Variants in PCDHA8 observed in about 807,000 individuals in gnomAD.
PCDHA8 encodes protocadherin alpha 8, also known as protocadherin alpha-8.
Under a neutral mutation model 61.8 loss-of-function variants are expected in PCDHA8, and 53 were observed. The ratio of observed to expected loss-of-function variants is 0.86; its 90% CI spans 0.69 to 1.08. PCDHA8 has a LOEUF of 1.08. Ranked by LOEUF, PCDHA8 falls within the 50% of genes least tolerant of loss-of-function variation. The pLI is 0.00. For missense variants in PCDHA8, 1,293 were observed against 1,245.0 expected, an observed-to-expected ratio of 1.04 and a Z score of -0.58; for synonymous variants, 618 against 556.6, an observed-to-expected ratio of 1.11 and a Z score of -1.55.
chr5:140,853,754 A>C, intron 1 of PCDHA8: 1 of 988,728 alleles, frequency 1.0e-6, no homozygotes, highest in Non-Finnish European at 1.2e-6. Flanking sequence ...TCAAGGCTCC[A>C]CCTCAGAAAT....
intron 1 of PCDHA8, chr5:140,867,294 T>A (rs987236296): frequency 6.6e-6 from 1 of 152,152 alleles, no homozygotes; most frequent in Admixed American, 6.5e-5. Flanking sequence ...TCAAATATCA[T>A]GTTGAATATA....
At chr5:140,864,528 T>C (rs2048505938) in intron 1 of PCDHA8, 1 of 152,240 alleles carries the variant, frequency 6.6e-6, no homozygotes, top group Non-Finnish European at 1.5e-5. Context: ...TACTTCTTAA[T>C]TTTTGTCTTC....
chr5:140,927,027 G>A (rs1554203924), intron 1 of PCDHA8: 3 of 1,612,328 alleles, frequency 1.9e-6, no homozygotes, highest in Non-Finnish European at 1.7e-6. Context: ...ACTTGAGGCT[G>A]CCAGCGGCCG....
intron 1 of PCDHA8, chr5:140,927,524 C>G (rs781824669): frequency 1.2e-6 from 2 of 1,614,104 alleles, no homozygotes; most frequent in Admixed American, 1.7e-5. Flanking sequence ...GGCGGGCTAC[C>G]TGCCCGCTCA....
In PCDHA8 at chr5:141,009,476, C is replaced by G. The variant is rs970744618; in HGVS notation, c.2543-151C>G. ...TTAAACAAATAAATAAATAAGTAAA[C>G]ACTTGCCTTGCCCTCAGACTTGAAC... On this transcript the variant is annotated intron_variant, in intron 3 of 3. Coordinates refer to ENST00000531613, the MANE Select transcript of PCDHA8 (RefSeq NM_018911.3). 2.3e-5 allele frequency: 32 copies of G among 1,420,036 alleles called. No individual in the cohort carries two copies. The East Asian group carries it at 7.2e-4, about 32-fold the overall frequency. 88.0% of individuals were successfully genotyped at this position (1,420,036 alleles called of 1,614,324 possible).
At chr5:140,873,642 G>A (rs1217578025) in intron 1 of PCDHA8, among the ~76,000 whole-genome samples, 1 of 152,154 alleles carries the variant, frequency 6.6e-6, no homozygotes, top group Non-Finnish European at 1.5e-5. Flanking sequence ...GAGTATGTGA[G>A]AACTACATAA....
intron 3 of PCDHA8, among the ~76,000 whole-genome samples, chr5:140,994,027 A>G (rs1237081548): frequency 2.6e-5 from 4 of 152,234 alleles, no homozygotes; most frequent in Non-Finnish European, 2.9e-5. Context: ...TGCAGATATA[A>G]TATTAAATAT....
chr5:140,863,047 C>G (rs1554157583), intron 1 of PCDHA8: 1 of 560,866 alleles, frequency 1.8e-6, no homozygotes. Flanking sequence ...TGTCAGCTGG[C>G]AGCACCCGTT....
chr5:140,857,754 C>G, intron 1 of PCDHA8: 1 of 1,597,392 alleles, frequency 6.3e-7, no homozygotes, highest in Non-Finnish European at 8.6e-7. Flanking sequence ...GCGTCTCCCG[C>G]TGGCAGCGCG....
intron 1 of PCDHA8, among the ~76,000 whole-genome samples, chr5:140,974,319 G>A (rs781949857): frequency 1.8e-4 from 27 of 152,198 alleles, no homozygotes; most frequent in Non-Finnish European, 3.5e-4. Flanking sequence ...TGAGAGAGTA[G>A]CTGCTGTGCT....
chr5:140,975,588 A>G (rs2096673583), intron 1 of PCDHA8, among the ~76,000 whole-genome samples: 1 of 152,210 alleles, frequency 6.6e-6, no homozygotes, highest in South Asian at 2.1e-4. Context: ...CATGTCCCAG[A>G]GGGCAATTTG....
chr5:140,847,731 T>C lies in PCDHA8; in HGVS notation c.2394+4016T>C, dbSNP rs1031856254. ...GTATAAATGCTACAAAAGAGAAAAA[T>C]ATATTTTCTCCCCACGCAACACAAG... On this transcript the variant is annotated intron_variant, in intron 1 of 3. Coordinates refer to ENST00000531613, the MANE Select transcript of PCDHA8 (RefSeq NM_018911.3). 2.7e-5 allele frequency: 4 copies of C among 149,230 alleles called. No homozygotes were observed. The East Asian group carries it at 7.8e-4, about 29-fold the overall frequency. The allele number at this position is 149,230 out of a possible 1,614,324, so 9.2% of individuals were successfully genotyped here. A position where few individuals can be genotyped will look rare whatever the true frequency, so the allele number is the denominator to read the frequency against.
Position 140,842,785 on chromosome 5 carries a change from G to C in PCDHA8, c.1464G>C (p.Ala488=), listed in dbSNP as rs2150344223. The change falls in exon 1 of 4, where the codon GCG becomes GCC. Residue 488 remains alanine (A), a synonymous_variant. Coordinates refer to ENST00000531613, the MANE Select transcript of PCDHA8 (RefSeq NM_018911.3). ...GAGACGCGGACGCGCAGGAGAACGC[G>C]CTGGTGTCCTACTCGCTTGTGGAGC... ...SARDADAQEN[A]LVSYSLVERR... 6.5e-5 allele frequency: 103 copies of C among 1,594,472 alleles called. 8 individuals carry two copies. Among genetic ancestry groups the C allele is most frequent in the South Asian group, 4.4e-4 (40 of 90,456 alleles).
At chr5:140,877,166 T>C in intron 1 of PCDHA8, 3 of 1,613,836 alleles carry the variant, frequency 1.9e-6, no homozygotes, top group Non-Finnish European at 2.5e-6. Context: ...GCGCCGGCAC[T>C]GCTGGCGACT....
At chr5:140,992,999 C>G (rs1254110475) in intron 3 of PCDHA8, among the ~76,000 whole-genome samples, 4 of 152,188 alleles carry the variant, frequency 2.6e-5, no homozygotes, top group African/African-American at 9.7e-5. Flanking sequence ...CATGAAAGAG[C>G]CTCCCCAGAG....
intron 1 of PCDHA8, chr5:140,852,529 G>T: frequency 2.4e-6 from 1 of 416,580 alleles, no homozygotes. Context: ...TCCCACCTCG[G>T]CCTCCCAAAG....
chr5:140,934,833 G>C (rs1584817572), intron 1 of PCDHA8, among the ~76,000 whole-genome samples: 1 of 152,100 alleles, frequency 6.6e-6, no homozygotes, highest in Admixed American at 6.5e-5. Context: ...GGCAAGTTGG[G>C]AACTGTTCAG....
chr5:140,858,425 C>T lies in PCDHA8; in HGVS notation c.2394+14710C>T, dbSNP rs373682195. 1.3e-5 allele frequency: 20 copies of T among 1,552,580 alleles called. 2 individuals are homozygous for T. The highest frequency in any genetic ancestry group is 1.8e-5 in the Non-Finnish European group (20 of 1,140,698). On this transcript the variant is annotated intron_variant, in intron 1 of 3. Transcript: ENST00000531613. ...GGAAGATCAGTCTATTGGAGGGGAC[C>T]ACTCTAGGAAGGTGGGTTATTACGT...
intron 1 of PCDHA8, among the ~76,000 whole-genome samples, chr5:140,938,314 T>C (rs1026606524): frequency 2.0e-5 from 3 of 152,220 alleles, no homozygotes; most frequent in Non-Finnish European, 2.9e-5. Flanking sequence ...AGTATAAAAT[T>C]GAATAGAAGT....
Sources: gnomAD v4.1 joint callset for allele counts (sites outside exome capture counted in the v4.1 genomes callset) on GRCh38, gnomAD v4.1.1 for gene constraint, MANE v1.5 for transcripts, NCBI Gene and HGNC (gene_info 2026-07-23, HGNC 2026-07-21) for gene names.